The following PPARD variants were observed in gnomAD, a reference collection of about 807,000 sequenced individuals.
PPARD encodes the protein peroxisome proliferator-activated receptor delta.
In PPARD, 6 loss-of-function variants were observed where a neutral mutation model predicts 39.5. The observed-to-expected ratio is 0.15, with a 90% CI of 0.08 to 0.30. The LOEUF is 0.30. Ranked by LOEUF, PPARD falls within the 10% of genes least tolerant of loss-of-function variation. The pLI is 1.00. For synonymous variants in PPARD, 210 were observed against 231.3 expected (o/e 0.91, Z 0.83); for missense variants, 397 against 596.8 (o/e 0.67, Z 3.49).
At chr6:35,350,094 A>G (rs1761146894) in intron 2 of PPARD, among the ~76,000 whole-genome samples, 1 of 152,064 alleles carries the variant, frequency 6.6e-6, no homozygotes, top group Non-Finnish European at 1.5e-5. Flanking sequence ...CCATCCTTTT[A>G]TTAGATTATT....
chr6:35,347,711 T>A (rs1215215058), intron 2 of PPARD, among the ~76,000 whole-genome samples: 1 of 150,264 alleles, frequency 6.7e-6, no homozygotes, highest in Non-Finnish European at 1.5e-5. Flanking sequence ...TGGGTTCAAG[T>A]GCTTCTCCTG....
At chr6:35,414,556 G>A (rs984659527) in intron 3 of PPARD, among the ~76,000 whole-genome samples, 6 of 152,154 alleles carry the variant, frequency 3.9e-5, no homozygotes, top group African/African-American at 1.4e-4. Flanking sequence ...AGGCATCCCA[G>A]GTCTGTCACT....
intron 2 of PPARD, among the ~76,000 whole-genome samples, chr6:35,404,966 TGTG>T: frequency 6.8e-6 from 1 of 147,116 alleles, no homozygotes; most frequent in South Asian, 2.1e-4. Context: ...TGTGTGTGTG[TGTG>T]TGTGTGTGTG....
At chr6:35,347,042 T>C (rs1792224598) in intron 1 of PPARD, 25 bp from the exon 2 acceptor site, 1 of 1,455,306 alleles carries the variant, frequency 6.9e-7, no homozygotes, top group South Asian at 1.2e-5. Flanking sequence ...CAGCTAAAGC[T>C]GTTGGGGTTT....
At chr6:35,343,940 T>G (rs557361601) in intron 1 of PPARD, among the ~76,000 whole-genome samples, 1 of 152,226 alleles carries the variant, frequency 6.6e-6, no homozygotes, top group South Asian at 2.1e-4. Flanking sequence ...CTCCAGAAAA[T>G]ACTTGTGGTC....
chr6:35,379,190 G>A (rs930465941), intron 2 of PPARD, among the ~76,000 whole-genome samples: 21 of 149,470 alleles, frequency 1.4e-4, no homozygotes, highest in Non-Finnish European at 2.4e-4. Flanking sequence ...TGCAACCTAC[G>A]CCTCCTGGTT....
chr6:35,343,250 A>T (rs1200118593), intron 1 of PPARD, among the ~76,000 whole-genome samples: 1 of 151,578 alleles, frequency 6.6e-6, no homozygotes, highest in Non-Finnish European at 1.5e-5. Flanking sequence ...CTGTGGTCTG[A>T]TCCCTCCTAG....
chr6:35,373,130 A>G (rs777763285), intron 2 of PPARD, among the ~76,000 whole-genome samples: 5 of 152,160 alleles, frequency 3.3e-5, no homozygotes, highest in African/African-American at 4.8e-5. Context: ...GAGCCCTTTT[A>G]TAAGAGCACT....
Position 35,411,176 on chromosome 6 carries a change from A to T in PPARD, c.89A>T (p.Asn30Ile). The change falls in exon 3 of 8, where the codon AAT becomes ATT. Residue 30 changes from asparagine (N) to isoleucine (I), a missense_variant. Asn to Ile is a moderately radical substitution (Grantham distance 149, BLOSUM62 -3). Coordinates refer to ENST00000360694, the MANE Select transcript of PPARD (RefSeq NM_006238.5). Reference protein sequence around the residue: ...VAEAEGAPELNGGPQHALPSS... With the variant: ...VAEAEGAPELIGGPQHALPSS... ...GAGGCAGAAGGAGCCCCAGAGCTCA[A>T]TGGGGGACCACAGCATGCACTTCCT... 1.3e-6 allele frequency: 2 copies of T among 1,570,404 alleles called. No individual in the cohort carries two copies. Among genetic ancestry groups the T allele is most frequent in the Non-Finnish European group, 1.7e-6 (2 of 1,157,252 alleles).
At chr6:35,418,503 G>C (rs1765925127) in intron 3 of PPARD, among the ~76,000 whole-genome samples, 2 of 152,364 alleles carry the variant, frequency 1.3e-5, no homozygotes, top group Non-Finnish European at 2.9e-5. Flanking sequence ...CCACGCTGGT[G>C]CCCTGGTGGA....
Position 35,424,316 on chromosome 6 carries a change from G to A in PPARD, c.628-13G>A, listed in dbSNP as rs762434552. 6 of 1,608,756 alleles carry A rather than the reference G, an allele frequency of 3.7e-6. No individual in the cohort carries two copies. The highest frequency in any genetic ancestry group is 5.1e-6 in the Non-Finnish European group (6 of 1,175,644). On this transcript the variant is annotated splice_polypyrimidine_tract_variant and intron_variant, in intron 6 of 7. Coordinates refer to ENST00000360694, the MANE Select transcript of PPARD (RefSeq NM_006238.5). The surrounding 1 kb of genome is among the most constrained non-coding windows in gnomAD (Gnocchi z 7.1). Reference sequence around the variant, plus strand: ...CTCCCGAGGCCTGATCTCTAACGGGGCCTGGTTTTCAGCCCTTTGTGATCC... The same window carrying A: ...CTCCCGAGGCCTGATCTCTAACGGGACCTGGTTTTCAGCCCTTTGTGATCC...
rs947186291 is a variant in PPARD at position 35,345,874 on chromosome 6, GTTTTTTTTTTTT to G, written c.-185-1184_-185-1173del. 2.3e-4 allele frequency among the ~76,000 whole-genome samples: 26 copies of G among 114,610 alleles called. No individual in the cohort carries two copies. In the East Asian group the frequency reaches 6.0e-3, roughly 26 times the overall value. The allele number at this position is 114,610 out of a possible 152,430, so 75.2% of individuals were successfully genotyped here. A position where few individuals can be genotyped will look rare whatever the true frequency, so the allele number is the denominator to read the frequency against. ...GAGTTGGACCTGTCACTTTTTTTTC[GTTTTTTTTTTTT>G]TTTTTTTTGAGATGGAGTCTCGCTC... On this transcript the variant is annotated intron_variant, in intron 1 of 7. Transcript: ENST00000360694.
intron 2 of PPARD, among the ~76,000 whole-genome samples, chr6:35,408,292 A>G (rs1017562122): frequency 2.6e-5 from 4 of 152,210 alleles, no homozygotes; most frequent in Admixed American, 2.6e-4. Context: ...AATTATGCCA[A>G]TGAACACTGT....
chr6:35,364,431 CTTTTTTTTT>C lies in PPARD; in HGVS notation c.-102+17293_-102+17301del, dbSNP rs529866520. Among the ~76,000 whole-genome samples, 445 of 127,176 alleles carry C rather than the reference CTTTTTTTTT, an allele frequency of 3.5e-3. 4 individuals carry two copies. Among genetic ancestry groups the C allele is most frequent in the African/African-American group, 0.014 (425 of 31,392 alleles). The allele number at this position is 127,176 out of a possible 152,430, so 83.4% of individuals were successfully genotyped here. ...GGGTCATATAGTATTCCATGTTTAA[CTTTTTTTTT>C]TTTTTTTTTTTGAGACGGCATCTTG... On this transcript the variant is annotated intron_variant, in intron 2 of 7. Coordinates refer to ENST00000360694, the MANE Select transcript of PPARD (RefSeq NM_006238.5).
At chr6:35,395,645 G>A (rs1210246626) in intron 2 of PPARD, among the ~76,000 whole-genome samples, 1 of 152,196 alleles carries the variant, frequency 6.6e-6, no homozygotes, top group Non-Finnish European at 1.5e-5. Context: ...GGTGACCAGG[G>A]CCAGGCAGGA....
chr6:35,380,652 G>T (rs1253758517), intron 2 of PPARD, among the ~76,000 whole-genome samples: 10 of 151,676 alleles, frequency 6.6e-5, no homozygotes, highest in Non-Finnish European at 2.9e-5. Context: ...CACCACACCC[G>T]GCTAATTTTT....
chr6:35,357,136 C>T (rs1463865370), intron 2 of PPARD, among the ~76,000 whole-genome samples: 1 of 152,170 alleles, frequency 6.6e-6, no homozygotes. Flanking sequence ...GGGTTGGTCA[C>T]AGTGTGTAGA....
chr6:35,347,286 T>A, intron 2 of PPARD, 136 bp downstream of exon 2: 2 of 1,051,400 alleles, frequency 1.9e-6, no homozygotes, highest in Non-Finnish European at 2.8e-6. Context: ...CAGCATCTGG[T>A]ACCAGTTGCT....
In PPARD at chr6:35,424,011, G is replaced by A. The variant is rs768147711; in HGVS notation, c.490G>A (p.Glu164Lys). ...RKLVAGLTAN[E>K]GSQYNPQVAD... ...GCTGGTGGCAGGGCTGACTGCAAACGAGGGGAGCCAGTACAACCCACAGGT... is the reference window on the plus strand; with the variant it reads ...GCTGGTGGCAGGGCTGACTGCAAACAAGGGGAGCCAGTACAACCCACAGGT... The change falls in exon 6 of 8, where the codon GAG (glutamate) becomes AAG (lysine). Residue 164 changes from glutamate (E) to lysine (K), a missense_variant. Physicochemically the swap from Glu to Lys is moderately conservative, Grantham distance 56. Coordinates refer to ENST00000360694, the MANE Select transcript of PPARD (RefSeq NM_006238.5). The surrounding 1 kb of genome is among the most constrained non-coding windows in gnomAD (Gnocchi z 7.1). 28 of 1,614,086 alleles carry A rather than the reference G, an allele frequency of 1.7e-5. No individual in the cohort carries two copies. The highest frequency in any genetic ancestry group is 2.2e-5 in the East Asian group (1 of 44,896).
Sources: gnomAD v4.1 joint callset for allele counts (sites outside exome capture counted in the v4.1 genomes callset) on GRCh38, gnomAD v4.1.1 for gene constraint, Gnocchi (gnomAD v3.1) non-coding constraint, MANE v1.5 for transcripts, NCBI Gene and HGNC (gene_info 2026-07-23, HGNC 2026-07-21) for gene names.